The following GABRG3 variants were observed in gnomAD, a reference collection of about 807,000 sequenced individuals.
GABRG3 encodes the protein gamma-aminobutyric acid type A receptor subunit gamma3, also known as gamma-aminobutyric acid receptor subunit gamma-3.
Under a neutral mutation model 48.8 loss-of-function variants are expected in GABRG3, and 25 were observed. That is an observed-to-expected ratio of 0.51 (90% CI 0.37 to 0.72). The LOEUF (loss-of-function observed/expected upper bound fraction) is 0.72, where lower values mean the gene tolerates loss of function less well. Among genes scored for constraint, GABRG3 ranks in the 30% least tolerant of loss-of-function variants. The probability of loss-of-function intolerance (pLI) is 0.00; values close to 1 mark genes in which losing one functional copy is unlikely to be tolerated. For synonymous variants in GABRG3, 227 were observed against 217.6 expected (o/e 1.04, Z -0.38); for missense variants, 394 against 577.9 (o/e 0.68, Z 3.26).
chr15:27,319,095 A>T lies in GABRG3; in HGVS notation c.271-7714A>T, dbSNP rs1271182933. On this transcript the variant is annotated intron_variant, in intron 3 of 9. Coordinates refer to ENST00000615808, the MANE Select transcript of GABRG3 (RefSeq NM_033223.5). The surrounding 1 kb of genome is among the most constrained non-coding windows in gnomAD (Gnocchi z 4.4). Reference sequence around the variant, plus strand: ...AAAAATAAAAGGCAACTGTGAGGTGATGGATGTGTTAATTAGCTTGATTGT... The same window carrying T: ...AAAAATAAAAGGCAACTGTGAGGTGTTGGATGTGTTAATTAGCTTGATTGT... Among the ~76,000 whole-genome samples the T allele has an allele frequency of 6.6e-6, 1 of 152,230 alleles. No homozygotes were observed. The highest frequency in any genetic ancestry group is 1.5e-5 in the Non-Finnish European group (1 of 68,042).
chr15:27,269,950 AT>A (rs776141167), intron 3 of GABRG3, among the ~76,000 whole-genome samples: 1 of 152,234 alleles, frequency 6.6e-6, no homozygotes, highest in Non-Finnish European at 1.5e-5. Flanking sequence ...TAACTATAAT[AT>A]TCACTAATAT....
Position 27,532,806 on chromosome 15 carries a change from G to C in GABRG3, c.1329G>C (p.Ser443=), listed in dbSNP as rs182442296. 97 of 1,613,952 alleles carry C rather than the reference G, an allele frequency of 6.0e-5. 1 individual carries two copies. In the East Asian group the frequency reaches 1.6e-3, roughly 27 times the overall value. ...RIHIDILELD[S]YSRVFFPTSF... Reference sequence around the variant, plus strand: ...ACATAGACATCTTGGAGCTGGACTCGTACTCCCGGGTCTTTTTCCCCACGT... The same window carrying C: ...ACATAGACATCTTGGAGCTGGACTCCTACTCCCGGGTCTTTTTCCCCACGT... The change falls in exon 10 of 10, where the codon TCG becomes TCC. Residue 443 remains serine (S), a synonymous_variant. Transcript: ENST00000615808.
Position 27,306,796 on chromosome 15 carries a change from C to CAT in GABRG3, c.271-20011_271-20010dup, listed in dbSNP as rs1176533366. Among the ~76,000 whole-genome samples, 97 of 42,128 alleles carry CAT rather than the reference C, an allele frequency of 2.3e-3. 2 individuals are homozygous for CAT. Among genetic ancestry groups the CAT allele is most frequent in the African/African-American group, 6.9e-3 (90 of 12,958 alleles). 27.6% of individuals were successfully genotyped at this position (42,128 alleles called of 152,430 possible). A position where few individuals can be genotyped will look rare whatever the true frequency, so the allele number is the denominator to read the frequency against. ...CAATATAAACATGTTTATATATAAA[C>CAT]ATACAATATAAACATGTTTATATAT... On this transcript the variant is annotated intron_variant, in intron 3 of 9. Transcript: ENST00000615808.
rs560806242 is a variant in GABRG3 at position 27,339,251 on chromosome 15, A to G, written c.574+10363A>G. Reference sequence around the variant, plus strand: ...CAGGTGAGGGCGGAGCCTACCAGACATGTAGACGTCAAGGTCCTAAATGCT... The same window carrying G: ...CAGGTGAGGGCGGAGCCTACCAGACGTGTAGACGTCAAGGTCCTAAATGCT... On this transcript the variant is annotated intron_variant, in intron 5 of 9. Coordinates refer to ENST00000615808, the MANE Select transcript of GABRG3 (RefSeq NM_033223.5). Among the ~76,000 whole-genome samples, 19 of 152,366 alleles carry G rather than the reference A, an allele frequency of 1.2e-4. No individual in the cohort carries two copies. The South Asian group carries it at 3.5e-3, about 28-fold the overall frequency.
intron 3 of GABRG3, among the ~76,000 whole-genome samples, chr15:27,086,614 A>G (rs2140749637): frequency 6.6e-6 from 1 of 152,374 alleles, no homozygotes; most frequent in Non-Finnish European, 1.5e-5. Flanking sequence ...ATTGTATTCA[A>G]AGCTTTATAA....
chr15:27,112,624 G>T (rs942404529), intron 3 of GABRG3, among the ~76,000 whole-genome samples: 43 of 152,094 alleles, frequency 2.8e-4, no homozygotes, highest in African/African-American at 9.9e-4. Flanking sequence ...ATTTTTAGTG[G>T]AGATGGGGTT....
intron 5 of GABRG3, among the ~76,000 whole-genome samples, chr15:27,472,085 T>C (rs940496219): frequency 7.9e-5 from 12 of 152,214 alleles, no homozygotes; most frequent in Non-Finnish European, 1.6e-4. Context: ...TATGCAAGAA[T>C]ATAGTGTGTC....
At chr15:27,480,588 T>G in intron 5 of GABRG3, 62 bp from the exon 6 acceptor site, 2 of 1,416,002 alleles carry the variant, frequency 1.4e-6, no homozygotes, top group Non-Finnish European at 1.9e-6. Flanking sequence ...GAATTATAAT[T>G]TTCACTTTAA....
chr15:27,316,191 C>T (rs1015832088), intron 3 of GABRG3, among the ~76,000 whole-genome samples: 16 of 151,814 alleles, frequency 1.1e-4, no homozygotes, highest in East Asian at 3.9e-4. Flanking sequence ...GAGACCATCC[C>T]GGCTAAAAAA....
At chr15:27,128,472 C>T (rs556999454) in intron 3 of GABRG3, among the ~76,000 whole-genome samples, 37 of 152,304 alleles carry the variant, frequency 2.4e-4, no homozygotes, top group African/African-American at 8.4e-4. Flanking sequence ...CATCTGCCCA[C>T]GCCTTGAAGC....
chr15:27,224,197 T>G (rs75612111), intron 3 of GABRG3, among the ~76,000 whole-genome samples: 4,593 of 152,328 alleles, frequency 0.03, 244 homozygotes, highest in African/African-American at 0.11. Context: ...CCGCATGTTT[T>G]CATCCCCGGT....
At chr15:27,454,497 A>G (rs537336120) in intron 5 of GABRG3, among the ~76,000 whole-genome samples, 1 of 152,192 alleles carries the variant, frequency 6.6e-6, no homozygotes, top group Non-Finnish European at 1.5e-5. Flanking sequence ...GGGTGTGACT[A>G]TCTCTCCAGC....
intron 5 of GABRG3, among the ~76,000 whole-genome samples, chr15:27,336,918 A>G (rs1893996478): frequency 6.6e-6 from 1 of 152,236 alleles, no homozygotes; most frequent in Non-Finnish European, 1.5e-5. Context: ...CAAAGGTCAC[A>G]TATGTGGGAT....
intron 3 of GABRG3, among the ~76,000 whole-genome samples, chr15:27,224,419 C>T (rs537139573): frequency 6.6e-6 from 1 of 152,184 alleles, no homozygotes; most frequent in Non-Finnish European, 1.5e-5. Flanking sequence ...TCTAATGCTA[C>T]CTGACCCTCA....
At chr15:27,135,670 C>A (rs888919118) in intron 3 of GABRG3, among the ~76,000 whole-genome samples, 1 of 152,054 alleles carries the variant, frequency 6.6e-6, no homozygotes, top group Non-Finnish European at 1.5e-5. Flanking sequence ...ACTTTGGGAG[C>A]CCGAGGCAGG....
At chr15:27,378,340 G>A (rs1895663412) in intron 5 of GABRG3, among the ~76,000 whole-genome samples, 11 of 152,064 alleles carry the variant, frequency 7.2e-5, no homozygotes. Context: ...TTCTCCTGTG[G>A]GCTAGAGTAG....
chr15:27,139,422 TG>T (rs1898065804), intron 3 of GABRG3, among the ~76,000 whole-genome samples: 1 of 152,180 alleles, frequency 6.6e-6, no homozygotes, highest in Non-Finnish European at 1.5e-5. Flanking sequence ...CTCAGCAGAA[TG>T]GATGGTGCCT....
chr15:27,454,081 G>T (rs1889190262), intron 5 of GABRG3, among the ~76,000 whole-genome samples: 2 of 152,214 alleles, frequency 1.3e-5, no homozygotes, highest in South Asian at 4.1e-4. Flanking sequence ...ACACTGAGCA[G>T]GCTCACCCAG....
chr15:27,029,453 ACAC>A (rs1896042415), intron 3 of GABRG3, among the ~76,000 whole-genome samples: 1 of 152,048 alleles, frequency 6.6e-6, no homozygotes, highest in African/African-American at 2.4e-5. Context: ...ACACACACAC[ACAC>A]GCATGCACAC....
Sources: gnomAD v4.1 joint callset for allele counts (sites outside exome capture counted in the v4.1 genomes callset) on GRCh38, gnomAD v4.1.1 for gene constraint, Gnocchi (gnomAD v3.1) non-coding constraint, MANE v1.5 for transcripts, NCBI Gene and HGNC (gene_info 2026-07-23, HGNC 2026-07-21) for gene names.